The following DENND1A variants were observed in gnomAD, a reference collection of about 807,000 sequenced individuals.
The protein encoded by DENND1A is DENN domain containing 1A, also known as DENN domain-containing protein 1A.
A neutral mutation model predicts 113.7 loss-of-function variants in DENND1A; 51 were observed. The ratio of observed to expected loss-of-function variants is 0.45; its 90% CI spans 0.36 to 0.57. The LOEUF (loss-of-function observed/expected upper bound fraction) is 0.57. Ranked by LOEUF, DENND1A falls within the 20% of genes least tolerant of loss-of-function variation. DENND1A has a pLI of 0.00. For synonymous variants in DENND1A, 565 were observed against 570.8 expected (o/e 0.99, Z 0.14); for missense variants, 1,258 against 1,395.9 (o/e 0.90, Z 1.57).
chr9:123,438,895 C>T (rs1393184373), intron 19 of DENND1A, among the ~76,000 whole-genome samples: 1 of 152,066 alleles, frequency 6.6e-6, no homozygotes, highest in African/African-American at 2.4e-5. Flanking sequence ...TTTTGTGTTT[C>T]GAAAATGGAA....
At chr9:123,894,722 T>C (rs923883820) in intron 1 of DENND1A, among the ~76,000 whole-genome samples, 2 of 152,356 alleles carry the variant, frequency 1.3e-5, no homozygotes, top group Middle Eastern at 3.4e-3. Flanking sequence ...GCCTTTCAGA[T>C]ATGAAAATGT....
At chr9:123,411,644 GGAAGCT>G (rs1487959780) in intron 20 of DENND1A, 126 bp downstream of exon 20, 7 of 439,212 alleles carry the variant, frequency 1.6e-5, no homozygotes, top group Non-Finnish European at 2.1e-5. Flanking sequence ...ACACAGAGAG[GGAAGCT>G]GAAAAACCCA....
chr9:123,527,501 C>T (rs940630842), intron 13 of DENND1A, among the ~76,000 whole-genome samples: 2 of 152,128 alleles, frequency 1.3e-5, no homozygotes, highest in Admixed American at 6.5e-5. Flanking sequence ...TCTCCTTCTG[C>T]CTGGAGGATG....
intron 19 of DENND1A, chr9:123,413,640 T>G (rs2044486071): frequency 1.0e-6 from 1 of 985,336 alleles, no homozygotes; most frequent in Non-Finnish European, 1.2e-6. Flanking sequence ...GAGAACACGA[T>G]GGGATAGAAT....
At chr9:123,571,762 A>G (rs1158272423) in intron 12 of DENND1A, among the ~76,000 whole-genome samples, 1 of 152,228 alleles carries the variant, frequency 6.6e-6, no homozygotes, top group Admixed American at 6.5e-5. Flanking sequence ...TGCCATAAAC[A>G]TTCATGTACA....
At chr9:123,913,265 T>C (rs921163106) in intron 1 of DENND1A, among the ~76,000 whole-genome samples, 11 of 152,154 alleles carry the variant, frequency 7.2e-5, no homozygotes, top group African/African-American at 2.7e-4. Flanking sequence ...TTATGTACTC[T>C]TTCTGCAGGG....
intron 1 of DENND1A, among the ~76,000 whole-genome samples, chr9:123,902,168 CACACAT>C (rs763457930): frequency 0.02 from 2,482 of 125,536 alleles, 28 homozygotes; most frequent in Non-Finnish European, 0.026. Flanking sequence ...GGGTCACACA[CACACAT>C]ACACACACAC....
At chr9:123,481,433 C>T (rs558554734) in intron 13 of DENND1A, among the ~76,000 whole-genome samples, 5 of 152,246 alleles carry the variant, frequency 3.3e-5, no homozygotes, top group Admixed American at 6.5e-5. Context: ...CGTGCATTTA[C>T]AGACGGCCCT....
chr9:123,519,470 C>T (rs1184658173), intron 13 of DENND1A, among the ~76,000 whole-genome samples: 1 of 151,460 alleles, frequency 6.6e-6, no homozygotes, highest in Non-Finnish European at 1.5e-5. Flanking sequence ...CAGAGTCTCA[C>T]CCTGCTGCCC....
At position 123,383,639 on chromosome 9, in the gene DENND1A, C is replaced by T. The variant is rs779519419; in HGVS notation, c.2019+16G>A. ...TGCCGGCCCCCGGCCGATACCCTCCCTTGCCCATGCCATACCTGATAGTCA... is the reference window on the plus strand; with the variant it reads ...TGCCGGCCCCCGGCCGATACCCTCCTTTGCCCATGCCATACCTGATAGTCA... On this transcript the variant is annotated intron_variant, in intron 23 of 23. Transcript: ENST00000394215. 1.9e-6 allele frequency: 3 copies of T among 1,607,620 alleles called. No homozygotes were observed. The highest frequency in any genetic ancestry group is 3.3e-5 in the Admixed American group (2 of 59,880).
intron 11 of DENND1A, among the ~76,000 whole-genome samples, chr9:123,585,016 T>A (rs908461419): frequency 1.3e-4 from 20 of 152,156 alleles, no homozygotes; most frequent in Admixed American, 1.3e-3. Context: ...CAGAACATGG[T>A]ACCTAAGTAA....
intron 3 of DENND1A, among the ~76,000 whole-genome samples, chr9:123,776,301 A>ATTAACG (rs948361588): frequency 1.3e-5 from 2 of 152,238 alleles, no homozygotes; most frequent in Non-Finnish European, 1.5e-5. Context: ...CAGTAACCGT[A>ATTAACG]TTAACGCATA....
chr9:123,650,256 T>C (rs1318344362), intron 9 of DENND1A, among the ~76,000 whole-genome samples: 1 of 152,104 alleles, frequency 6.6e-6, no homozygotes. Flanking sequence ...TAACACATAC[T>C]AGGCAATTAA....
chr9:123,733,747 C>T (rs1415662275), intron 5 of DENND1A, among the ~76,000 whole-genome samples: 2 of 151,466 alleles, frequency 1.3e-5, no homozygotes. Context: ...CTCACTGCAA[C>T]CTCCATCTCC....
chr9:123,769,652 T>G, intron 3 of DENND1A, 89 bp from the exon 4 acceptor site: 1 of 1,135,448 alleles, frequency 8.8e-7, no homozygotes, highest in Non-Finnish European at 1.2e-6. Context: ...AACTTTACCC[T>G]AAAGAAAGAG....
intron 21 of DENND1A, among the ~76,000 whole-genome samples, chr9:123,393,546 A>T (rs1008135203): frequency 2.0e-5 from 3 of 151,940 alleles, no homozygotes; most frequent in Admixed American, 1.3e-4. Flanking sequence ...AATAAAAAAA[A>T]AAAAAAGAAG....
chr9:123,778,750 T>G (rs1290762002), intron 3 of DENND1A, among the ~76,000 whole-genome samples: 1 of 152,132 alleles, frequency 6.6e-6, no homozygotes, highest in African/African-American at 2.4e-5. Context: ...GGCTATAGTC[T>G]GCCAAACCCG....
At chr9:123,593,007 T>TA in intron 11 of DENND1A, among the ~76,000 whole-genome samples, 1 of 152,234 alleles carries the variant, frequency 6.6e-6, no homozygotes, top group Non-Finnish European at 1.5e-5. Context: ...GCAATAATTC[T>TA]ATAATAGAAG....
chr9:123,532,183 T>C (rs1055608787), intron 13 of DENND1A, among the ~76,000 whole-genome samples: 6 of 152,248 alleles, frequency 3.9e-5, no homozygotes, highest in African/African-American at 7.2e-5. Flanking sequence ...TGGAACATTG[T>C]GTTGTCAAAA....
Sources: gnomAD v4.1 joint callset for allele counts (sites outside exome capture counted in the v4.1 genomes callset) on GRCh38, gnomAD v4.1.1 for gene constraint, MANE v1.5 for transcripts, NCBI Gene and HGNC (gene_info 2026-07-23, HGNC 2026-07-21) for gene names.